Variants in BEST1 observed in about 807,000 individuals in gnomAD.
The protein encoded by BEST1 is bestrophin 1.
A neutral mutation model predicts 63.3 loss-of-function variants in BEST1; 58 were observed. The observed-to-expected ratio is 0.92, with a 90% CI of 0.74 to 1.14. The LOEUF (loss-of-function observed/expected upper bound fraction) is 1.14, where lower values mean the gene tolerates loss of function less well. Ranked by LOEUF, BEST1 falls within the 50% of genes most tolerant of loss-of-function variation. The pLI is 0.00. For missense variants in BEST1, 671 were observed against 740.1 expected (o/e 0.91, Z 1.08); for synonymous variants, 283 against 291.6 (o/e 0.97, Z 0.30).
At chr11:61,958,485 G>C (rs1226533213) in intron 7 of BEST1, 187 bp downstream of exon 7, 1 of 1,489,218 alleles carries the variant, frequency 6.7e-7, no homozygotes, top group Non-Finnish European at 9.0e-7. Context: ...GCTTGAACCC[G>C]GGAGGCGGAG....
rs112665957 is a variant in BEST1 at position 61,955,032 on chromosome 11, C to T, written c.153-75C>T. 2.3e-3 allele frequency: 3,628 copies of T among 1,594,590 alleles called. 66 individuals carry two copies. In the African/African-American group the frequency reaches 0.041, roughly 18 times the overall value. Reference sequence around the variant, plus strand: ...AGGCAGTCCCACTCCTACCCAGGGCCGGGCTAGACCTGGGGACAGTCTCAG... The same window carrying T: ...AGGCAGTCCCACTCCTACCCAGGGCTGGGCTAGACCTGGGGACAGTCTCAG... On this transcript the variant is annotated intron_variant, in intron 2 of 10. Coordinates refer to ENST00000378043, the MANE Select transcript of BEST1 (RefSeq NM_004183.4).
chr11:61,955,001 G>C, intron 2 of BEST1, 106 bp from the exon 3 acceptor site: 1 of 1,548,502 alleles, frequency 6.5e-7, no homozygotes, highest in Non-Finnish European at 8.7e-7. Context: ...ATGTGGGATA[G>C]CATCGAGGCA....
intron 10 of BEST1, 157 bp from the exon 11 acceptor site, chr11:61,963,947 T>C: frequency 6.8e-7 from 1 of 1,470,082 alleles, no homozygotes; most frequent in Non-Finnish European, 9.0e-7. Flanking sequence ...GCAGTGAGAT[T>C]GAGCAACTGC....
intron 9 of BEST1, 192 bp from the exon 10 acceptor site, chr11:61,962,063 G>C: frequency 1.6e-6 from 1 of 622,510 alleles, no homozygotes; most frequent in Non-Finnish European, 2.8e-6. Context: ...AGTGAGGTGA[G>C]CTGGGCCTGG....
At chr11:61,954,962 G>A in intron 2 of BEST1, 145 bp from the exon 3 acceptor site, 1 of 1,501,298 alleles carries the variant, frequency 6.7e-7, no homozygotes, top group Non-Finnish European at 8.9e-7. Flanking sequence ...CCTGGCTCAG[G>A]CCTCAGGAGG....
chr11:61,962,615 A>G lies in BEST1; in HGVS notation c.1461A>G (p.Ser487=), dbSNP rs752131302. The G allele has an allele frequency of 1.2e-6, 2 of 1,614,180 alleles. No individual in the cohort carries two copies. The highest frequency in any genetic ancestry group is 2.2e-5 in the East Asian group (1 of 44,886). ...MFFPLEPSAP[S]KLHSVTGIDT... Reference sequence around the variant, plus strand: ...TCCCCCTAGAACCATCAGCGCCGTCAAAGCTTCACAGTGTCACAGGCATAG... The same window carrying G: ...TCCCCCTAGAACCATCAGCGCCGTCGAAGCTTCACAGTGTCACAGGCATAG... Residue 487 remains serine (S), a synonymous_variant, in exon 10 of 11, where the codon TCA becomes TCG. Coordinates refer to ENST00000378043, the MANE Select transcript of BEST1 (RefSeq NM_004183.4).
intron 10 of BEST1, chr11:61,963,472 C>A: frequency 9.1e-7 from 1 of 1,096,916 alleles, no homozygotes; most frequent in African/African-American, 1.6e-5. Flanking sequence ...TCCTTGGGGT[C>A]AGCCCAAAGC....
Position 61,962,845 on chromosome 11 carries a change from A to G in BEST1, c.1691A>G (p.His564Arg). 1 of 1,614,122 alleles carries G rather than the reference A, an allele frequency of 6.2e-7. No homozygotes were observed. Among genetic ancestry groups the G allele is most frequent in the Admixed American group, 1.7e-5 (1 of 60,008 alleles). Reference protein sequence around the residue: ...EPLEQSPTNIHTTLKDHMDPY... With the variant: ...EPLEQSPTNIRTTLKDHMDPY... ...TTGGAACAATCACCAACCAACATACACACTACACTCAAAGATCACATGGAT... is the reference window on the plus strand; with the variant it reads ...TTGGAACAATCACCAACCAACATACGCACTACACTCAAAGATCACATGGAT... The change falls in exon 10 of 11, where the codon CAC becomes CGC. Residue 564 changes from histidine to arginine, a missense_variant. By Grantham distance (29) the His-to-Arg change is conservative (BLOSUM62 0). Coordinates refer to ENST00000378043, the MANE Select transcript of BEST1 (RefSeq NM_004183.4).
chr11:61,963,994 A>C, intron 10 of BEST1, 110 bp from the exon 11 acceptor site: 1 of 1,374,606 alleles, frequency 7.3e-7, no homozygotes, highest in Non-Finnish European at 9.7e-7. Flanking sequence ...CTGTCTCAAA[A>C]AAAAAAAAAA....
rs1488653529 is a variant in BEST1 at position 61,951,677 on chromosome 11, GA to G, written c.-36-93del. The G allele has an allele frequency of 8.5e-6, 11 of 1,295,426 alleles. No individual in the cohort carries two copies. In the African/African-American group the frequency reaches 1.6e-4, roughly 19 times the overall value. The allele number at this position is 1,295,426 out of a possible 1,614,324, so 80.2% of individuals were successfully genotyped here. A position where few individuals can be genotyped will look rare whatever the true frequency, so the allele number is the denominator to read the frequency against. On this transcript the variant is annotated intron_variant, in intron 1 of 10. Coordinates refer to ENST00000378043, the MANE Select transcript of BEST1 (RefSeq NM_004183.4). Reference sequence around the variant, plus strand: ...CATCCACCTCCTAGGGTCCCTATGGGAGAGTTGAGGTCCAGAGCAGGGAAGG... The same window carrying G: ...CATCCACCTCCTAGGGTCCCTATGGGGAGTTGAGGTCCAGAGCAGGGAAGG...
Position 61,957,473 on chromosome 11 carries a change from T to C in BEST1, c.714+9T>C, listed in dbSNP as rs1565392463. 3.1e-6 allele frequency: 5 copies of C among 1,613,614 alleles called. No individual in the cohort carries two copies. Among genetic ancestry groups the C allele is most frequent in the Non-Finnish European group, 4.2e-6 (5 of 1,179,544 alleles). On this transcript the variant is annotated intron_variant, in intron 6 of 10. Transcript: ENST00000378043. ...CACTGGTGTATACACAGGTGAGGAC[T>C]AGGCTGGTGAGGCTGCCCTTTTGGG...
At chr11:61,959,453 G>C in intron 7 of BEST1, 45 bp from the exon 8 acceptor site, 2 of 1,590,956 alleles carry the variant, frequency 1.3e-6, no homozygotes, top group Non-Finnish European at 1.7e-6. Context: ...AGCTGGCTTT[G>C]AGGAGTTCTG....
intron 10 of BEST1, chr11:61,963,890 C>CGCA: frequency 7.4e-7 from 1 of 1,346,758 alleles, no homozygotes; most frequent in East Asian, 2.7e-5. Flanking sequence ...GTAGTCCCAA[C>CGCA]GCAGGAGGTT....
At chr11:61,963,837 C>G in intron 10 of BEST1, 4 of 1,288,206 alleles carry the variant, frequency 3.1e-6, no homozygotes, top group Non-Finnish European at 4.0e-6. Flanking sequence ...AACCCCATCT[C>G]TACCAAAAAA....
intron 7 of BEST1, chr11:61,959,221 T>G: frequency 3.9e-6 from 2 of 519,010 alleles, no homozygotes; most frequent in Admixed American, 3.2e-5. Context: ...ATACATGAGG[T>G]GAGATAAAGG....
At chr11:61,958,371 A>G in intron 7 of BEST1, 73 bp downstream of exon 7, 1 of 1,610,526 alleles carries the variant, frequency 6.2e-7, no homozygotes, top group Non-Finnish European at 8.5e-7. Flanking sequence ...GCCTGAGACG[A>G]GGATGCAGTG....
rs1941424670 is a variant in BEST1, at chr11:61,956,876, G to A, written c.514G>A (p.Glu172Lys). 8.1e-6 allele frequency: 13 copies of A among 1,614,140 alleles called. No homozygotes were observed. Among genetic ancestry groups the A allele is most frequent in the Non-Finnish European group, 1.1e-5 (13 of 1,180,028 alleles). The change falls in exon 5 of 11, where the codon GAG (glutamate) becomes AAG (lysine). Residue 172 changes from glutamate (E) to lysine (K), a missense_variant. Transcript: ENST00000378043. The part of the protein sequence containing the change: ...FMTPAEHKQL[E>K]KLSLPHNMFW... ...GACTCCGGCAGAACACAAGCAGTTG[G>A]AGAAACTGAGCCTACCACACAACAT...
chr11:61,955,452 C>A, intron 3 of BEST1: 1 of 1,346,644 alleles, frequency 7.4e-7, no homozygotes, highest in Non-Finnish European at 9.8e-7. Flanking sequence ...CATCATGGTC[C>A]CTGGAGCCCC....
intron 1 of BEST1, among the ~76,000 whole-genome samples, chr11:61,951,230 A>G (rs1184897265): frequency 6.9e-6 from 1 of 145,868 alleles, no homozygotes; most frequent in Non-Finnish European, 1.5e-5. Context: ...ATTTTTAGAC[A>G]GAGTTTTGCT....
Sources: gnomAD v4.1 joint callset for allele counts (sites outside exome capture counted in the v4.1 genomes callset) on GRCh38, gnomAD v4.1.1 for gene constraint, MANE v1.5 for transcripts, NCBI Gene and HGNC (gene_info 2026-07-23, HGNC 2026-07-21) for gene names.